GRIA4: variants seen among roughly 807,000 people sequenced by gnomAD.
GRIA4 encodes the protein glutamate ionotropic receptor AMPA type subunit 4.
In GRIA4, 34 loss-of-function variants were observed where a neutral mutation model predicts 104.0. That is an observed-to-expected ratio of 0.33 (90% confidence interval 0.25 to 0.44). GRIA4 has a LOEUF of 0.44. GRIA4 is among the 20% of genes least tolerant of loss of function. The probability of loss-of-function intolerance (pLI) is 1.00; values close to 1 mark genes in which losing one functional copy is unlikely to be tolerated. For synonymous variants in GRIA4, 386 were observed against 381.9 expected (o/e 1.01, Z -0.13); for missense variants, 750 against 1,096.5 (o/e 0.68, Z 4.46).
At chr11:105,910,784 A>G (rs1947208849) in intron 10 of GRIA4, among the ~76,000 whole-genome samples, 1 of 152,138 alleles carries the variant, frequency 6.6e-6, no homozygotes, top group South Asian at 2.1e-4. Context: ...TCAGATGTTA[A>G]AAATTGAGAC....
chr11:105,865,225 T>C (rs1240451058), intron 5 of GRIA4, among the ~76,000 whole-genome samples: 1 of 152,210 alleles, frequency 6.6e-6, no homozygotes, highest in African/African-American at 2.4e-5. Context: ...GAAGAATGTA[T>C]GTAAATATCA....
rs569193538 is a variant in GRIA4 at position 105,746,416 on chromosome 11, CT to C, written c.248-6554del. Among the ~76,000 whole-genome samples, 427 of 141,322 alleles carry C rather than the reference CT, an allele frequency of 3.0e-3. 2 individuals are homozygous for C. The highest frequency in any genetic ancestry group is 7.4e-3 in the African/African-American group (288 of 38,988). 92.7% of individuals were successfully genotyped at this position (141,322 alleles called of 152,430 possible). A position where few individuals can be genotyped will look rare whatever the true frequency, so the allele number is the denominator to read the frequency against. On this transcript the variant is annotated intron_variant, in intron 3 of 16. Coordinates refer to ENST00000282499, the MANE Select transcript of GRIA4 (RefSeq NM_000829.4). ...TATTGTTATGAAAATTCAGGTTTGG[CT>C]TTTTTTTTTTAGAAGTGCACAGAGT...
chr11:105,781,803 A>T (rs1387029053), intron 4 of GRIA4, among the ~76,000 whole-genome samples: 1 of 152,194 alleles, frequency 6.6e-6, no homozygotes, highest in African/African-American at 2.4e-5. Context: ...ATGGCCTAGA[A>T]CAAGTGATTA....
At chr11:105,822,885 A>G (rs924547468) in intron 4 of GRIA4, among the ~76,000 whole-genome samples, 1 of 152,100 alleles carries the variant, frequency 6.6e-6, no homozygotes, top group African/African-American at 2.4e-5. Flanking sequence ...GTAAATGTTG[A>G]GTAAATGTAT....
chr11:105,831,095 C>T (rs1014411442), intron 4 of GRIA4, among the ~76,000 whole-genome samples: 2 of 151,942 alleles, frequency 1.3e-5, no homozygotes, highest in African/African-American at 4.8e-5. Context: ...TAGTTCTGCT[C>T]CTGTGATGAT....
chr11:105,688,576 A>G (rs1055107563), intron 3 of GRIA4, among the ~76,000 whole-genome samples: 2 of 151,920 alleles, frequency 1.3e-5, no homozygotes, highest in Non-Finnish European at 2.9e-5. Flanking sequence ...AAATAAATAA[A>G]TAAATAAAAA....
chr11:105,648,387 T>A (rs1201161613), intron 3 of GRIA4, among the ~76,000 whole-genome samples: 1 of 151,536 alleles, frequency 6.6e-6, no homozygotes, highest in African/African-American at 2.4e-5. Flanking sequence ...TACACAATAA[T>A]AAATATTCTA....
intron 11 of GRIA4, among the ~76,000 whole-genome samples, chr11:105,920,301 A>G (rs1947523884): frequency 6.6e-6 from 1 of 152,194 alleles, no homozygotes; most frequent in Non-Finnish European, 1.5e-5. Flanking sequence ...CCAAAGGAAA[A>G]GGGTTTCTAA....
rs115771069 is a variant in GRIA4 at position 105,898,527 on chromosome 11, T to C, written c.885+100T>C. On this transcript the variant is annotated intron_variant, in intron 7 of 16. Coordinates refer to ENST00000282499, the MANE Select transcript of GRIA4 (RefSeq NM_000829.4). ...TCCATTAACATTTTGCCAAACATAG[T>C]ATGGCATGGGAAAAAAGCATTTTGT... is the stretch of plus-strand genomic sequence containing the variant. 1,888 of 726,202 alleles carry C rather than the reference T, an allele frequency of 2.6e-3. 22 individuals are homozygous for C. In the African/African-American group the frequency reaches 0.03, roughly 12 times the overall value. 45.0% of individuals were successfully genotyped at this position (726,202 alleles called of 1,614,324 possible). A position where few individuals can be genotyped will look rare whatever the true frequency, so the allele number is the denominator to read the frequency against.
chr11:105,812,444 C>T (rs184924637), intron 4 of GRIA4, among the ~76,000 whole-genome samples: 6 of 152,256 alleles, frequency 3.9e-5, no homozygotes, highest in Admixed American at 3.3e-4. Flanking sequence ...TCAGCCACAC[C>T]TTGATTTGAG....
chr11:105,917,975 T>C (rs1947458537), intron 10 of GRIA4, among the ~76,000 whole-genome samples: 2 of 151,986 alleles, frequency 1.3e-5, no homozygotes, highest in African/African-American at 4.8e-5. Flanking sequence ...AATGGGAGTA[T>C]CACCTCAAGT....
intron 4 of GRIA4, among the ~76,000 whole-genome samples, chr11:105,861,771 G>C (rs1302915952): frequency 6.6e-6 from 1 of 152,158 alleles, no homozygotes; most frequent in African/African-American, 2.4e-5. Context: ...GCAATGCAAT[G>C]TTCTCCAGTA....
intron 4 of GRIA4, among the ~76,000 whole-genome samples, chr11:105,786,312 C>T (rs539700039): frequency 3.3e-5 from 5 of 152,108 alleles, no homozygotes; most frequent in East Asian, 1.9e-4. Flanking sequence ...AATGAAAGTG[C>T]GGCAATAAAT....
chr11:105,631,961 C>CA (rs1591470013), intron 3 of GRIA4, among the ~76,000 whole-genome samples: 2 of 151,932 alleles, frequency 1.3e-5, no homozygotes, highest in East Asian at 3.9e-4. Flanking sequence ...CCCTAAGCTA[C>CA]AAAAAGGGAT....
chr11:105,964,829 G>A (rs1321715019), intron 14 of GRIA4, among the ~76,000 whole-genome samples: 2 of 147,960 alleles, frequency 1.4e-5, no homozygotes, highest in African/African-American at 2.5e-5. Context: ...GTTTTGAGAC[G>A]AAGTTTTGCT....
chr11:105,735,480 A>G (rs918494815), intron 3 of GRIA4, among the ~76,000 whole-genome samples: 2 of 152,188 alleles, frequency 1.3e-5, no homozygotes, highest in Non-Finnish European at 2.9e-5. Flanking sequence ...AGTTTAAATA[A>G]CAAGATACAA....
chr11:105,735,893 T>C, intron 3 of GRIA4, among the ~76,000 whole-genome samples: 1 of 152,144 alleles, frequency 6.6e-6, no homozygotes, highest in East Asian at 1.9e-4. Flanking sequence ...CAGGTTAAAA[T>C]GAGCACTGTA....
chr11:105,970,775 T>TGGGATGA (rs1858645152), intron 14 of GRIA4, among the ~76,000 whole-genome samples: 2 of 152,176 alleles, frequency 1.3e-5, no homozygotes, highest in African/African-American at 4.8e-5. Flanking sequence ...AAGTCTGTCT[T>TGGGATGA]GGGATGAAAT....
chr11:105,744,948 C>T (rs1939552288), intron 3 of GRIA4, among the ~76,000 whole-genome samples: 1 of 152,080 alleles, frequency 6.6e-6, no homozygotes, highest in Admixed American at 6.6e-5. Flanking sequence ...AGGTTCCAAT[C>T]ATCTTTCTGT....
Sources: gnomAD v4.1 joint callset for allele counts (sites outside exome capture counted in the v4.1 genomes callset) on GRCh38, gnomAD v4.1.1 for gene constraint, MANE v1.5 for transcripts, NCBI Gene and HGNC (gene_info 2026-07-23, HGNC 2026-07-21) for gene names.